CDC42BPB: variants seen among roughly 807,000 people sequenced by gnomAD.
The protein encoded by CDC42BPB is serine/threonine-protein kinase MRCK beta.
In CDC42BPB, 37 loss-of-function variants were observed where a neutral mutation model predicts 214.9. That is an observed-to-expected ratio of 0.17 (90% CI 0.13 to 0.23). The LOEUF (loss-of-function observed/expected upper bound fraction) is 0.23, where lower values mean the gene tolerates loss of function less well. Among genes scored for constraint, CDC42BPB ranks in the 10% least tolerant of loss-of-function variants. The pLI is 1.00. For synonymous variants in CDC42BPB, 931 were observed against 884.0 expected, an observed-to-expected ratio of 1.05 and a Z score of -0.94; for missense variants, 1,694 against 2,227.0, an observed-to-expected ratio of 0.76 and a Z score of 4.82.
chr14:102,933,790 G>C lies in CDC42BPB; in HGVS notation c.5058C>G (p.Ser1686Arg). The C allele has an allele frequency of 6.7e-7, 1 of 1,501,312 alleles. No individual in the cohort carries two copies. Among genetic ancestry groups the C allele is most frequent in the Non-Finnish European group, 8.8e-7 (1 of 1,137,872 alleles). 93.0% of individuals were successfully genotyped at this position (1,501,312 alleles called of 1,614,324 possible). Reference sequence around the variant, plus strand: ...GGGGGGAGTTGGGGCTCGGTGGGCCGCTGGGGTTGGAGCTATTCGATGGAG... The same window carrying C: ...GGGGGGAGTTGGGGCTCGGTGGGCCCCTGGGGTTGGAGCTATTCGATGGAG... ...HSTPSNSSNP[S>R]GPPSPNSPHR... The change falls in exon 37 of 37, where the codon AGC (serine) becomes AGG (arginine). Residue 1686 changes from serine (S) to arginine (R), a missense_variant. Physicochemically the swap from Ser to Arg is moderately radical, Grantham distance 110. Around this residue, in one of 7 missense-constraint regions of CDC42BPB, gnomAD observed 146 missense variants for 134.1 expected, o/e 1.09. Coordinates refer to ENST00000361246, the MANE Select transcript of CDC42BPB (RefSeq NM_006035.4).
At chr14:102,983,276 G>A (rs1182811550) in intron 7 of CDC42BPB, among the ~76,000 whole-genome samples, 1 of 152,104 alleles carries the variant, frequency 6.6e-6, no homozygotes, top group Non-Finnish European at 1.5e-5. Flanking sequence ...AGCCAGCTTG[G>A]AGCAGGCCAG....
intron 1 of CDC42BPB, among the ~76,000 whole-genome samples, chr14:103,035,931 C>T (rs1261808603): frequency 6.6e-6 from 1 of 152,012 alleles, no homozygotes; most frequent in African/African-American, 2.4e-5. Flanking sequence ...GCAGGAGGAT[C>T]GCTTTAGCTC....
intron 1 of CDC42BPB, among the ~76,000 whole-genome samples, chr14:103,046,063 A>T (rs1888265854): frequency 6.6e-6 from 1 of 152,160 alleles, no homozygotes; most frequent in African/African-American, 2.4e-5. Context: ...GAGGCTGGGG[A>T]ATGAGAAGAG....
At chr14:102,962,681 C>T (rs562661443) in intron 20 of CDC42BPB, among the ~76,000 whole-genome samples, 9 of 152,280 alleles carry the variant, frequency 5.9e-5, no homozygotes, top group Admixed American at 1.3e-4. Context: ...AAAACCCCAT[C>T]TCTACTAAAA....
chr14:103,027,863 A>C (rs1430598769), intron 1 of CDC42BPB, among the ~76,000 whole-genome samples: 3 of 151,910 alleles, frequency 2.0e-5, no homozygotes, highest in Admixed American at 2.0e-4. Flanking sequence ...GGCGTGGTGG[A>C]TCACGCCTGT....
In CDC42BPB at chr14:102,943,754, A is replaced by T. The variant is rs1892010264; in HGVS notation, c.4408+137T>A. The T allele has an allele frequency of 1.3e-6, 1 of 745,166 alleles. No homozygotes were observed. The highest frequency in any genetic ancestry group is 1.8e-5 in the African/African-American group (1 of 56,710). The allele number at this position is 745,166 out of a possible 1,614,324, so 46.2% of individuals were successfully genotyped here. ...ACCATGCTCTCTGCTGCGGGCTGGC[A>T]TGGGGCCCACCTCTCCCGATGCTCT... On this transcript the variant is annotated intron_variant, in intron 30 of 36. Transcript: ENST00000361246. The surrounding 1 kb of genome is among the most constrained non-coding windows in gnomAD (Gnocchi z 4.6).
chr14:103,018,554 T>G (rs973342157), intron 1 of CDC42BPB, among the ~76,000 whole-genome samples: 1 of 152,106 alleles, frequency 6.6e-6, no homozygotes, highest in African/African-American at 2.4e-5. Flanking sequence ...TAGAGTGGAT[T>G]GTGGCATGGG....
At chr14:102,940,348 G>A (rs1041228167) in intron 30 of CDC42BPB, 24 bp from the exon 31 acceptor site, 2 of 1,553,160 alleles carry the variant, frequency 1.3e-6, no homozygotes, top group African/African-American at 2.7e-5. Flanking sequence ...AGCAGGGCGG[G>A]GTGAGCCACA....
intron 1 of CDC42BPB, among the ~76,000 whole-genome samples, chr14:103,039,441 G>T (rs1205801506): frequency 6.6e-6 from 1 of 152,090 alleles, no homozygotes; most frequent in African/African-American, 2.4e-5. Flanking sequence ...GATCAAGTGG[G>T]ATTCATCCCA....
rs34942469 is a variant in CDC42BPB at position 102,970,070 on chromosome 14, A to C, written c.1995+81T>G. 522 of 1,138,898 alleles carry C rather than the reference A, an allele frequency of 4.6e-4. 3 individuals carry two copies. In the East Asian group the frequency reaches 0.011, roughly 24 times the overall value. 70.5% of individuals were successfully genotyped at this position (1,138,898 alleles called of 1,614,324 possible). On this transcript the variant is annotated intron_variant, in intron 14 of 36. Coordinates refer to ENST00000361246, the MANE Select transcript of CDC42BPB (RefSeq NM_006035.4). ...ACACTCGGCCCGGACCACACATTACACAAGGTGACTTCCATGTGGTGGCGT... is the reference window on the plus strand; with the variant it reads ...ACACTCGGCCCGGACCACACATTACCCAAGGTGACTTCCATGTGGTGGCGT...
intron 1 of CDC42BPB, among the ~76,000 whole-genome samples, chr14:103,012,983 G>A (rs773354327): frequency 3.9e-5 from 6 of 152,142 alleles, no homozygotes; most frequent in African/African-American, 7.2e-5. Flanking sequence ...TGTCATGTTC[G>A]CACAATGACA....
chr14:102,938,216 G>A, intron 35 of CDC42BPB, 42 bp from the exon 36 acceptor site: 3 of 1,608,052 alleles, frequency 1.9e-6, no homozygotes, highest in Non-Finnish European at 2.5e-6. Flanking sequence ...AGAAAGTCAA[G>A]AACGGAATCA....
chr14:103,013,680 G>A (rs12881741), intron 1 of CDC42BPB, among the ~76,000 whole-genome samples: 2,189 of 152,344 alleles, frequency 0.014, 25 homozygotes, highest in Non-Finnish European at 0.024. Context: ...AGGCAGAGGC[G>A]AGAGTGATGC....
intron 36 of CDC42BPB, among the ~76,000 whole-genome samples, chr14:102,937,873 CCT>C (rs1221320694): frequency 6.6e-6 from 1 of 152,186 alleles, no homozygotes; most frequent in Non-Finnish European, 1.5e-5. Context: ...GTGTGACAGC[CCT>C]GTCCCTAGTC....
intron 1 of CDC42BPB, among the ~76,000 whole-genome samples, chr14:103,032,174 G>A (rs954087351): frequency 1.3e-5 from 2 of 151,944 alleles, no homozygotes; most frequent in African/African-American, 4.8e-5. Flanking sequence ...CCCCTCTGCT[G>A]TCTCAGAGTG....
chr14:102,968,147 C>T, intron 16 of CDC42BPB, 106 bp downstream of exon 16: 2 of 734,966 alleles, frequency 2.7e-6, no homozygotes, highest in Non-Finnish European at 4.5e-6. Flanking sequence ...TTCTACTCCC[C>T]CATAAATATA....
At chr14:103,008,744 C>A in intron 2 of CDC42BPB, 189 bp from the exon 3 acceptor site, 2 of 946,122 alleles carry the variant, frequency 2.1e-6, no homozygotes, top group Non-Finnish European at 2.5e-6. Context: ...AGAAAGGGAC[C>A]GGCCACGTGG....
chr14:102,936,760 C>A (rs980884825), intron 36 of CDC42BPB, among the ~76,000 whole-genome samples: 33 of 152,364 alleles, frequency 2.2e-4, no homozygotes, highest in Non-Finnish European at 4.4e-5. Flanking sequence ...GTAGCTGGTA[C>A]TACACACGTG....
In CDC42BPB at chr14:102,950,453, T is replaced by C; in HGVS notation, c.3309+13A>G. 6.2e-7 allele frequency: 1 copy of C among 1,612,388 alleles called. No individual in the cohort carries two copies. The highest frequency in any genetic ancestry group is 1.1e-5 in the South Asian group (1 of 91,016). On this transcript the variant is annotated intron_variant, in intron 25 of 36. Transcript: ENST00000361246. ...AGGCACCGAGGGCTGAGGGCGGAGA[T>C]GAAGCCGCCTACCTTGACATGGCCT...
Sources: allele counts gnomAD v4.1 joint callset (sites outside exome capture counted in the v4.1 genomes callset), GRCh38; gene constraint gnomAD v4.1.1; regional missense constraint gnomAD v4.1.1; non-coding constraint Gnocchi (gnomAD v3.1); transcripts MANE v1.5; gene names NCBI Gene and HGNC (gene_info 2026-07-23, HGNC 2026-07-21).